The following ZNF362 variants were observed in gnomAD, a reference collection of about 807,000 sequenced individuals.
The protein encoded by ZNF362 is zinc finger protein 362, also known as rotund homolog.
In ZNF362, 11 loss-of-function variants were observed where a neutral mutation model predicts 42.9. The ratio of observed to expected loss-of-function variants is 0.26; its 90% CI spans 0.16 to 0.42. The LOEUF is 0.42. Ranked by LOEUF, ZNF362 falls within the 20% of genes least tolerant of loss-of-function variation. The probability of loss-of-function intolerance (pLI) is 1.00; values close to 1 mark genes in which losing one functional copy is unlikely to be tolerated. For missense variants in ZNF362, 362 were observed against 576.2 expected (o/e 0.63, Z 3.81); for synonymous variants, 255 against 257.3 (o/e 0.99, Z 0.09).
Position 33,266,708 on chromosome 1 carries a change from G to A in ZNF362, c.-88-3779G>A, listed in dbSNP as rs1255093191. Among the ~76,000 whole-genome samples the A allele has an allele frequency of 6.6e-6, 1 of 152,186 alleles. No homozygotes were observed. Among genetic ancestry groups the A allele is most frequent in the Non-Finnish European group, 1.5e-5 (1 of 68,024 alleles). On this transcript the variant is annotated intron_variant, in intron 1 of 8. Coordinates refer to ENST00000539719, the MANE Select transcript of ZNF362 (RefSeq NM_152493.3). The surrounding 1 kb of genome is among the most constrained non-coding windows in gnomAD (Gnocchi z 4.3). ...CTCAAGGTGGTGCCAGCTGAGCAGA[G>A]TTTTGAGGGCAGGGTTCCAGCTGGG...
chr1:33,181,335 C>G, the ZNF362 span: 2 of 1,579,868 alleles, frequency 1.3e-6, no homozygotes, highest in Non-Finnish European at 1.7e-6. This position sits in a 1 kb window ranked among gnomAD's most constrained non-coding sequence, Gnocchi z 6.5. Flanking sequence ...CGTGATGCAG[C>G]GGCGGCAGAA....
In ZNF362 at chr1:33,280,952, C is replaced by G. The variant is rs1176872771; in HGVS notation, c.683+495C>G. On this transcript the variant is annotated intron_variant, in intron 5 of 8. Coordinates refer to ENST00000539719, the MANE Select transcript of ZNF362 (RefSeq NM_152493.3). The surrounding 1 kb of genome is among the most constrained non-coding windows in gnomAD (Gnocchi z 5.6). ...GGCATGGTGGTGCGCCCCTGTAATC[C>G]TAGCTACTCAGGAGGCTGAGGCAAG... Among the ~76,000 whole-genome samples the G allele has an allele frequency of 2.6e-5, 4 of 152,118 alleles. No homozygotes were observed. Among genetic ancestry groups the G allele is most frequent in the South Asian group, 4.1e-4 (2 of 4,830 alleles).
chr1:33,278,353 C>G (rs1426260709), intron 4 of ZNF362, among the ~76,000 whole-genome samples: 1 of 152,100 alleles, frequency 6.6e-6, no homozygotes, highest in African/African-American at 2.4e-5. Context: ...ATATGTTCCA[C>G]TTTTTATTAT....
the ZNF362 span, chr1:33,147,678 G>T: frequency 2.5e-6 from 4 of 1,613,768 alleles, no homozygotes; most frequent in South Asian, 2.2e-5. This position sits in a 1 kb window ranked among gnomAD's most constrained non-coding sequence, Gnocchi z 8.1. Flanking sequence ...CGTCCGACAG[G>T]ATCAGGCGCT....
At chr1:33,236,550 A>AAAAAAAAAAATATATAT in the ZNF362 span, among the ~76,000 whole-genome samples, 29 of 5,980 alleles carry the variant, frequency 4.8e-3, 2 homozygotes, top group East Asian at 8.5e-3. Context: ...AAAAAAAAAA[A>AAAAAAAAAAATATATAT]ATATATATAT....
the ZNF362 span, among the ~76,000 whole-genome samples, chr1:33,197,523 A>G: frequency 1.8e-4 from 27 of 152,174 alleles, no homozygotes; most frequent in Non-Finnish European, 1.2e-4. Flanking sequence ...TGCAGTGCAT[A>G]ACTATATATG....
At chr1:33,260,130 C>G (rs4233217) in intron 1 of ZNF362, among the ~76,000 whole-genome samples, 151,355 of 152,356 alleles carry the variant, frequency 0.99, 75,190 homozygotes, top group Middle Eastern at 1. Context: ...AACCGTGATG[C>G]TGGTTTCAGA....
the ZNF362 span, among the ~76,000 whole-genome samples, chr1:33,169,725 TA>T: frequency 1.3e-5 from 2 of 152,130 alleles, no homozygotes; most frequent in Non-Finnish European, 2.9e-5. Context: ...TAAAATGAAA[TA>T]AAATGGAAAA....
chr1:33,235,457 A>G, the ZNF362 span, among the ~76,000 whole-genome samples: 1 of 152,058 alleles, frequency 6.6e-6, no homozygotes, highest in Admixed American at 6.6e-5. Flanking sequence ...TCTCCAGCAA[A>G]CTCCAGGCTA....
the ZNF362 span, among the ~76,000 whole-genome samples, chr1:33,235,269 C>T: frequency 6.6e-6 from 1 of 152,122 alleles, no homozygotes; most frequent in African/African-American, 2.4e-5. Flanking sequence ...TTCCCCACAC[C>T]TTTGCATGTG....
chr1:33,258,551 G>T (rs1472352794), intron 1 of ZNF362, among the ~76,000 whole-genome samples: 1 of 152,160 alleles, frequency 6.6e-6, no homozygotes, highest in Non-Finnish European at 1.5e-5. Context: ...GAGAGAGGAA[G>T]TGACTTGCCT....
the ZNF362 span, among the ~76,000 whole-genome samples, chr1:33,231,852 G>A: frequency 7.9e-5 from 12 of 152,280 alleles, no homozygotes; most frequent in African/African-American, 2.4e-4. Context: ...CTAAGGCTCA[G>A]GATGTTTTCT....
the ZNF362 span, among the ~76,000 whole-genome samples, chr1:33,236,548 A>ATATATAT: frequency 5.0e-4 from 3 of 5,978 alleles, no homozygotes; most frequent in Non-Finnish European, 6.9e-4. Flanking sequence ...AAAAAAAAAA[A>ATATATAT]AAATATATAT....
the ZNF362 span, among the ~76,000 whole-genome samples, chr1:33,250,062 T>C: frequency 6.7e-6 from 1 of 150,052 alleles, no homozygotes; most frequent in Non-Finnish European, 1.5e-5. Flanking sequence ...AGTCATGTGC[T>C]CATTCATTCA....
the ZNF362 span, among the ~76,000 whole-genome samples, chr1:33,225,097 T>G: frequency 0.18 from 27,932 of 152,120 alleles, 2,880 homozygotes; most frequent in East Asian, 0.31. Flanking sequence ...GTTATTCCTT[T>G]TACATCCCAG....
chr1:33,251,257 C>T, the ZNF362 span, among the ~76,000 whole-genome samples: 3 of 152,190 alleles, frequency 2.0e-5, no homozygotes. Context: ...GTGCTGGGCA[C>T]TATGAGGGCT....
At chr1:33,262,659 C>T (rs181663975) in intron 1 of ZNF362, among the ~76,000 whole-genome samples, 3 of 152,292 alleles carry the variant, frequency 2.0e-5, no homozygotes, top group African/African-American at 7.2e-5. Flanking sequence ...GGTTCTGGGG[C>T]TCTGTCGGGG....
At chr1:33,170,401 A>G in the ZNF362 span, among the ~76,000 whole-genome samples, 1 of 151,940 alleles carries the variant, frequency 6.6e-6, no homozygotes, top group East Asian at 1.9e-4. Flanking sequence ...TAAAACAACA[A>G]CAACAAAAAT....
the ZNF362 span, among the ~76,000 whole-genome samples, chr1:33,240,960 T>C: frequency 6.6e-6 from 1 of 152,182 alleles, no homozygotes; most frequent in Non-Finnish European, 1.5e-5. Context: ...CGCAAAATGA[T>C]TGCACCACAC....
Sources: gnomAD v4.1 joint callset for allele counts (sites outside exome capture counted in the v4.1 genomes callset) on GRCh38, gnomAD v4.1.1 for gene constraint, Gnocchi (gnomAD v3.1) non-coding constraint, MANE v1.5 for transcripts, NCBI Gene and HGNC (gene_info 2026-07-23, HGNC 2026-07-21) for gene names.